The following NOS1 variants were observed in gnomAD, a reference collection of about 807,000 sequenced individuals.
NOS1 encodes the protein nitric oxide synthase 1.
In NOS1, 51 loss-of-function variants were observed where a neutral mutation model predicts 164.5. The ratio of observed to expected loss-of-function variants is 0.31; its 90% CI spans 0.25 to 0.39. The LOEUF (loss-of-function observed/expected upper bound fraction) is 0.39. NOS1 is among the 10% of genes least tolerant of loss of function. The pLI is 1.00. For synonymous variants in NOS1, 719 were observed against 745.8 expected (o/e 0.96, Z 0.59); for missense variants, 1,362 against 1,885.6 (o/e 0.72, Z 5.14).
At chr12:117,242,417 C>G (rs1000365983) in intron 20 of NOS1, among the ~76,000 whole-genome samples, 5 of 152,126 alleles carry the variant, frequency 3.3e-5, no homozygotes, top group African/African-American at 9.7e-5. Context: ...TTCATGAGAC[C>G]AATACCATCT....
intron 18 of NOS1, among the ~76,000 whole-genome samples, chr12:117,245,195 A>G (rs1455475719): frequency 6.6e-6 from 1 of 152,204 alleles, no homozygotes; most frequent in Admixed American, 6.5e-5. Context: ...AGAAGGTTGC[A>G]TAGTACCCTT....
intron 22 of NOS1, among the ~76,000 whole-genome samples, chr12:117,231,430 G>C (rs1869221798): frequency 6.6e-6 from 1 of 152,114 alleles, no homozygotes; most frequent in Admixed American, 6.6e-5. Flanking sequence ...GAATTGGAAT[G>C]TTCCCAACAC....
At chr12:117,281,095 T>C (rs1187138302) in intron 7 of NOS1, among the ~76,000 whole-genome samples, 1 of 152,168 alleles carries the variant, frequency 6.6e-6, no homozygotes, top group African/African-American at 2.4e-5. Context: ...GGAGCTCCCA[T>C]GCCACCATGC....
In NOS1 at chr12:117,227,628, T is replaced by C; in HGVS notation, c.3419A>G (p.Tyr1140Cys). 1 of 1,614,028 alleles carries C rather than the reference T, an allele frequency of 6.2e-7. No homozygotes were observed. ...GTTCTTGCCCCATTTCCATTCCTCG[T>C]ACTCCTGCAAACCCTGTGCCAAGGA... ...LLVLSKGLQE[Y>C]EEWKWGKNPT... Residue 1140 changes from tyrosine to cysteine, a missense_variant, in exon 23 of 29, where the codon TAC becomes TGC. By Grantham distance (194) the Tyr-to-Cys change is radical (BLOSUM62 -2). This residue lies in a region of NOS1 where 737 missense variants were observed against 1,030.3 expected (regional missense o/e 0.72). Coordinates refer to ENST00000317775, the MANE Select transcript of NOS1 (RefSeq NM_000620.5).
chr12:117,253,807 G>T, intron 16 of NOS1, 53 bp from the exon 17 acceptor site: 2 of 1,215,490 alleles, frequency 1.6e-6, no homozygotes, highest in Non-Finnish European at 2.4e-6. Context: ...CCCTCCTGAG[G>T]TCAACACCCT....
Position 117,265,393 on chromosome 12 carries a change from G to T in NOS1, c.2059C>A (p.Pro687Thr). The T allele has an allele frequency of 6.3e-7, 1 of 1,593,916 alleles. No individual in the cohort carries two copies. The highest frequency in any genetic ancestry group is 8.5e-7 in the Non-Finnish European group (1 of 1,170,044). Residue 687 changes from proline (P) to threonine (T), a missense_variant, in exon 12 of 29, where the codon CCC (proline) becomes ACC (threonine). Pro to Thr is a conservative substitution (Grantham distance 38). Around this residue, in one of 4 missense-constraint regions of NOS1, gnomAD observed 737 missense variants for 1,030.3 expected, o/e 0.72. Coordinates refer to ENST00000317775, the MANE Select transcript of NOS1 (RefSeq NM_000620.5). Reference protein sequence around the residue: ...CPADWVWIVPPMSGSITPVFH... With the variant: ...CPADWVWIVPTMSGSITPVFH... The stretch of plus-strand genomic sequence containing the variant: ...ACAGGGGTGATGCTTCCGGACATGG[G>T]GGGCACGATCCACACCCAGTCGGCA...
In NOS1 at chr12:117,253,735, T is replaced by C. The variant is rs1566041216; in HGVS notation, c.2551A>G (p.Asn851Asp). 1.2e-6 allele frequency: 2 copies of C among 1,613,854 alleles called. No individual in the cohort carries two copies. The highest frequency in any genetic ancestry group is 2.2e-5 in the East Asian group (1 of 44,878). The change falls in exon 17 of 29, where the codon AAC (asparagine) becomes GAC (aspartate). Residue 851 changes from asparagine (N) to aspartate (D), a missense_variant. Physicochemically the swap from Asn to Asp is conservative, Grantham distance 23 (BLOSUM62 1). Coordinates refer to ENST00000317775, the MANE Select transcript of NOS1 (RefSeq NM_000620.5). ...GAGTCAGAGTAGGAGGAGACGCTGT[T>C]GAATCGGACCTTGTAGCTCCTGCCA... Reference protein sequence around the residue: ...EERKSYKVRFNSVSSYSDSQK... With the variant: ...EERKSYKVRFDSVSSYSDSQK...
chr12:117,311,349 G>T, intron 3 of NOS1, 117 bp downstream of exon 3: 1 of 1,246,792 alleles, frequency 8.0e-7, no homozygotes, highest in Non-Finnish European at 1.1e-6. Flanking sequence ...AGCCACGGCG[G>T]CTGATTTCCA....
chr12:117,347,244 G>A lies in NOS1; in HGVS notation c.-421+14268C>T, dbSNP rs562548041. 1.2e-4 allele frequency among the ~76,000 whole-genome samples: 18 copies of A among 151,104 alleles called. No homozygotes were observed. In the East Asian group the frequency reaches 3.1e-3, roughly 26 times the overall value. On this transcript the variant is annotated intron_variant, in intron 1 of 28. Transcript: ENST00000317775. ...GGAGGTTGCAGTGAGCCAAGATCGC[G>A]CCACTGCACTCCAGACTGGGTGAAA... is the stretch of plus-strand genomic sequence containing the variant.
At chr12:117,246,376 T>A (rs1870615878) in intron 18 of NOS1, among the ~76,000 whole-genome samples, 1 of 152,078 alleles carries the variant, frequency 6.6e-6, no homozygotes, top group African/African-American at 2.4e-5. Context: ...ACTCAAGCAA[T>A]CCTCCTGCCC....
At chr12:117,347,966 T>G (rs1876431485) in intron 1 of NOS1, 1 of 151,838 alleles carries the variant, frequency 6.6e-6, no homozygotes, top group Admixed American at 6.6e-5. Flanking sequence ...CTGAGTGGAA[T>G]GCAACTTCCT....
Position 117,331,072 on chromosome 12 carries a change from T to C in NOS1, c.-3A>G, listed in dbSNP as rs771946103. On this transcript the variant is annotated 5_prime_UTR_variant, in exon 2 of 29. Coordinates refer to ENST00000317775, the MANE Select transcript of NOS1 (RefSeq NM_000620.5). ...ACACCGAACATGTGATCCTCCATGGTAACTAGCTTCCGAGGGGTCCTGTCT... is the reference window on the plus strand; with the variant it reads ...ACACCGAACATGTGATCCTCCATGGCAACTAGCTTCCGAGGGGTCCTGTCT... The C allele has an allele frequency of 7.5e-6, 12 of 1,606,324 alleles. No homozygotes were observed. The highest frequency in any genetic ancestry group is 1.0e-5 in the Non-Finnish European group (12 of 1,175,054).
chr12:117,251,612 G>A (rs903035652), intron 17 of NOS1, among the ~76,000 whole-genome samples: 3 of 78,056 alleles, frequency 3.8e-5, no homozygotes, highest in African/African-American at 1.5e-4. Context: ...TTTTTTTTTT[G>A]TAGACACAGG....
chr12:117,340,873 A>ATTTTTTT (rs56322341), intron 1 of NOS1, among the ~76,000 whole-genome samples: 27 of 104,480 alleles, frequency 2.6e-4, no homozygotes, highest in African/African-American at 3.6e-4. Flanking sequence ...ACACCTGGCT[A>ATTTTTTT]TTTTTTTTTT....
chr12:117,216,358 A>G (rs1956610433), intron 28 of NOS1, among the ~76,000 whole-genome samples: 1 of 149,950 alleles, frequency 6.7e-6, no homozygotes, highest in Non-Finnish European at 1.5e-5. Flanking sequence ...AATTTTTTGT[A>G]TTTTTAGTAG....
chr12:117,279,512 T>C (rs1441908500), intron 8 of NOS1, among the ~76,000 whole-genome samples: 1 of 152,226 alleles, frequency 6.6e-6, no homozygotes, highest in Non-Finnish European at 1.5e-5. Flanking sequence ...AAGTGATCAA[T>C]AGCCACATGT....
chr12:117,324,713 C>T (rs896910752), intron 2 of NOS1, among the ~76,000 whole-genome samples: 3 of 94,724 alleles, frequency 3.2e-5, no homozygotes, highest in African/African-American at 5.3e-5. Context: ...AAGACTCTGT[C>T]TCTAAATAAA....
At chr12:117,248,477 G>A (rs1468635451) in intron 17 of NOS1, among the ~76,000 whole-genome samples, 1 of 151,674 alleles carries the variant, frequency 6.6e-6, no homozygotes, top group Admixed American at 6.6e-5. Context: ...ATAGTTTACT[G>A]AGAATGATGA....
intron 14 of NOS1, among the ~76,000 whole-genome samples, chr12:117,260,014 G>C (rs1467228790): frequency 1.3e-5 from 2 of 151,818 alleles, no homozygotes; most frequent in African/African-American, 4.8e-5. Flanking sequence ...AGCTACTCGG[G>C]AGGCTGAGGC....
Sources: allele counts gnomAD v4.1 joint callset (sites outside exome capture counted in the v4.1 genomes callset), GRCh38; gene constraint gnomAD v4.1.1; regional missense constraint gnomAD v4.1.1; transcripts MANE v1.5; gene names NCBI Gene and HGNC (gene_info 2026-07-23, HGNC 2026-07-21).